The following KCNB2 variants were observed in gnomAD, a reference collection of about 807,000 sequenced individuals.
KCNB2 encodes delayed rectifier potassium channel protein.
KCNB2 carries 15 observed loss-of-function variants against 61.5 expected under a neutral mutation model. That is an observed-to-expected ratio of 0.24 (90% CI 0.16 to 0.38). The LOEUF is 0.38. Ranked by LOEUF, KCNB2 falls within the 10% of genes least tolerant of loss-of-function variation. The pLI, the probability that KCNB2 is intolerant of heterozygous loss-of-function variation, is 1.00. For missense variants in KCNB2, 828 were observed against 1,125.2 expected, an observed-to-expected ratio of 0.74 and a Z score of 3.78; for synonymous variants, 457 against 446.0, an observed-to-expected ratio of 1.02 and a Z score of -0.31.
intron 1 of KCNB2, among the ~76,000 whole-genome samples, chr8:72,565,888 G>A (rs1319387253): frequency 6.6e-6 from 1 of 152,180 alleles, no homozygotes; most frequent in Non-Finnish European, 1.5e-5. Flanking sequence ...CTTGGTGATA[G>A]GAATGTAATA....
At chr8:72,778,870 C>T (rs761700599) in intron 2 of KCNB2, among the ~76,000 whole-genome samples, 21 of 151,624 alleles carry the variant, frequency 1.4e-4, no homozygotes, top group Non-Finnish European at 2.8e-4. Flanking sequence ...CCAACACAAC[C>T]TCGTAGCCTC....
chr8:72,908,295 A>G (rs1434393967), intron 2 of KCNB2, among the ~76,000 whole-genome samples: 2 of 152,194 alleles, frequency 1.3e-5, no homozygotes, highest in Non-Finnish European at 2.9e-5. Flanking sequence ...TAGGTTGGTC[A>G]TGTTTATTGC....
intron 2 of KCNB2, among the ~76,000 whole-genome samples, chr8:72,629,103 C>G (rs1207564376): frequency 6.6e-6 from 1 of 152,154 alleles, no homozygotes; most frequent in Non-Finnish European, 1.5e-5. Flanking sequence ...TCGTGTCACA[C>G]AATAGTCTTG....
intron 2 of KCNB2, among the ~76,000 whole-genome samples, chr8:72,626,889 ATTAGT>A (rs1805798836): frequency 6.6e-6 from 1 of 152,204 alleles, no homozygotes; most frequent in African/African-American, 2.4e-5. Context: ...CTTTCAAGTA[ATTAGT>A]TTAAGAAAGA....
intron 2 of KCNB2, among the ~76,000 whole-genome samples, chr8:72,596,756 T>C (rs1246743376): frequency 6.6e-6 from 1 of 152,134 alleles, no homozygotes; most frequent in Admixed American, 6.6e-5. Context: ...TTACATCTTA[T>C]TTTCTGTGAT....
intron 2 of KCNB2, among the ~76,000 whole-genome samples, chr8:72,725,575 G>GTA (rs752447652): frequency 0.53 from 41,268 of 78,584 alleles, 10,085 homozygotes; most frequent in Non-Finnish European, 0.61. Context: ...GTATATATAT[G>GTA]TATATATATA....
chr8:72,708,207 G>C (rs577453949), intron 2 of KCNB2, among the ~76,000 whole-genome samples: 1 of 152,224 alleles, frequency 6.6e-6, no homozygotes, highest in Admixed American at 6.5e-5. Flanking sequence ...ATATCGGGAA[G>C]GGTGGGGAGA....
chr8:72,658,107 A>C (rs1006353232), intron 2 of KCNB2, among the ~76,000 whole-genome samples: 1 of 152,152 alleles, frequency 6.6e-6, no homozygotes, highest in Non-Finnish European at 1.5e-5. Flanking sequence ...ACAAACTAGA[A>C]ATGATTAAGC....
At chr8:72,696,578 G>T (rs1807021503) in intron 2 of KCNB2, among the ~76,000 whole-genome samples, 1 of 152,122 alleles carries the variant, frequency 6.6e-6, no homozygotes, top group African/African-American at 2.4e-5. Context: ...AAATCAGGTA[G>T]GATTTGGATG....
chr8:72,867,706 C>G (rs751303481), intron 2 of KCNB2, among the ~76,000 whole-genome samples: 2 of 152,190 alleles, frequency 1.3e-5, no homozygotes, highest in Admixed American at 6.5e-5. Flanking sequence ...AACAAATCCA[C>G]TCACACTTCA....
At chr8:72,837,567 T>C (rs6993196) in intron 2 of KCNB2, among the ~76,000 whole-genome samples, 44,559 of 152,102 alleles carry the variant, frequency 0.29, 6,623 homozygotes, top group South Asian at 0.41. Context: ...AGCTATTAAT[T>C]ACATACAGTG....
intron 2 of KCNB2, among the ~76,000 whole-genome samples, chr8:72,748,205 A>C (rs1307521391): frequency 1.3e-5 from 2 of 152,216 alleles, no homozygotes; most frequent in Non-Finnish European, 2.9e-5. Flanking sequence ...TTCTTTGAAC[A>C]TCCTTCATGT....
At chr8:72,793,585 T>C (rs949411652) in intron 2 of KCNB2, among the ~76,000 whole-genome samples, 1 of 151,372 alleles carries the variant, frequency 6.6e-6, no homozygotes, top group Non-Finnish European at 1.5e-5. Context: ...CAGATCTCTT[T>C]AAAAAAAAAT....
intron 2 of KCNB2, among the ~76,000 whole-genome samples, chr8:72,747,697 A>G (rs1272851133): frequency 1.8e-4 from 28 of 152,232 alleles, no homozygotes; most frequent in Non-Finnish European, 2.9e-5. Context: ...TTCTGTATCA[A>G]TAAAACCCCT....
chr8:72,822,013 A>G (rs1222218541), intron 2 of KCNB2, among the ~76,000 whole-genome samples: 2 of 152,258 alleles, frequency 1.3e-5, no homozygotes, highest in Admixed American at 1.3e-4. Flanking sequence ...CACTACCACC[A>G]CCAACAGCTC....
Position 72,737,506 on chromosome 8 carries a change from G to A in KCNB2, c.579+169193G>A, listed in dbSNP as rs139932698. Among the ~76,000 whole-genome samples, 709 of 152,284 alleles carry A rather than the reference G, an allele frequency of 4.7e-3. 6 individuals carry two copies. Among genetic ancestry groups the A allele is most frequent in the African/African-American group, 0.016 (677 of 41,570 alleles). On this transcript the variant is annotated intron_variant, in intron 2 of 2. Coordinates refer to ENST00000523207, the MANE Select transcript of KCNB2 (RefSeq NM_004770.3). The stretch of plus-strand genomic sequence containing the variant: ...CTCAATAGTTGTATTTAAAGAGAAT[G>A]TAGATCCTTCTGTGATGTTTTCTAG...
chr8:72,693,922 T>C (rs1403020817), intron 2 of KCNB2, among the ~76,000 whole-genome samples: 1 of 152,316 alleles, frequency 6.6e-6, no homozygotes, highest in South Asian at 2.1e-4. Context: ...CATTGTTTTT[T>C]CATTTCTTAA....
At chr8:72,869,012 G>A (rs560191995) in intron 2 of KCNB2, among the ~76,000 whole-genome samples, 109 of 152,264 alleles carry the variant, frequency 7.2e-4, no homozygotes, top group Non-Finnish European at 1.4e-3. Flanking sequence ...CAAGGTAGGG[G>A]ATAGTTGTTG....
intron 2 of KCNB2, among the ~76,000 whole-genome samples, chr8:72,715,351 A>G (rs1807415063): frequency 6.6e-6 from 1 of 152,218 alleles, no homozygotes; most frequent in Non-Finnish European, 1.5e-5. Flanking sequence ...AAATCAACAG[A>G]ATCTACATTC....
Sources: allele counts gnomAD v4.1 joint callset (sites outside exome capture counted in the v4.1 genomes callset), GRCh38; gene constraint gnomAD v4.1.1; transcripts MANE v1.5; gene names NCBI Gene and HGNC (gene_info 2026-07-23, HGNC 2026-07-21).